ARHGAP26: variants seen among roughly 807,000 people sequenced by gnomAD.
ARHGAP26 encodes the protein Rho GTPase activating protein 26.
Under a neutral mutation model 104.8 loss-of-function variants are expected in ARHGAP26, and 38 were observed. The observed-to-expected ratio is 0.36, with a 90% CI of 0.28 to 0.48. ARHGAP26 has a LOEUF of 0.48. ARHGAP26 is among the 20% of genes least tolerant of loss of function. The pLI, the probability that ARHGAP26 is intolerant of heterozygous loss-of-function variation, is 0.99. For synonymous variants in ARHGAP26, 341 were observed against 340.0 expected, an observed-to-expected ratio of 1.00 and a Z score of -0.03; for missense variants, 704 against 947.9, an observed-to-expected ratio of 0.74 and a Z score of 3.38.
Position 143,119,563 on chromosome 5 carries a change from G to A in ARHGAP26, c.1539-1425G>A, listed in dbSNP as rs113122550. 6.3e-3 allele frequency among the ~76,000 whole-genome samples: 957 copies of A among 152,300 alleles called. 11 individuals are homozygous for A. Among genetic ancestry groups the A allele is most frequent in the Non-Finnish European group, 0.01 (712 of 68,024 alleles). ...ATGTGATGTAATTCTGGGTAGAATG[G>A]AAAACATAAGTAAAACCAGGAGACT... On this transcript the variant is annotated intron_variant, in intron 17 of 22. Coordinates refer to ENST00000645722, the MANE Select transcript of ARHGAP26 (RefSeq NM_001135608.3).
chr5:143,223,576 C>T lies in ARHGAP26; in HGVS notation c.*1130C>T, dbSNP rs1423370568. 2 of 232,190 alleles carry T rather than the reference C, an allele frequency of 8.6e-6. No individual in the cohort carries two copies. Among genetic ancestry groups the T allele is most frequent in the African/African-American group, 4.4e-5 (2 of 45,278 alleles). The allele number at this position is 232,190 out of a possible 1,614,324, so 14.4% of individuals were successfully genotyped here. A position where few individuals can be genotyped will look rare whatever the true frequency, so the allele number is the denominator to read the frequency against. On this transcript the variant is annotated 3_prime_UTR_variant, in exon 23 of 23. Transcript: ENST00000645722. ...TTGCCTGCCTCTAACCCACCACTGG[C>T]CAGCCCCCTTGCCCTACTCTGGGCT... is the stretch of plus-strand genomic sequence containing the variant.
At chr5:142,798,691 A>G (rs1379053237) in intron 1 of ARHGAP26, among the ~76,000 whole-genome samples, 1 of 152,334 alleles carries the variant, frequency 6.6e-6, no homozygotes, top group African/African-American at 2.4e-5. Context: ...CCCAGGACCT[A>G]TCATGCCATC....
chr5:142,880,452 A>G (rs1289266061), intron 4 of ARHGAP26, among the ~76,000 whole-genome samples: 1 of 151,726 alleles, frequency 6.6e-6, no homozygotes, highest in African/African-American at 2.4e-5. Flanking sequence ...CAGGAGGTGG[A>G]GGTTGCAGTG....
intron 14 of ARHGAP26, among the ~76,000 whole-genome samples, chr5:143,043,041 T>TAA (rs1284757743): frequency 6.6e-6 from 1 of 152,242 alleles, no homozygotes; most frequent in African/African-American, 2.4e-5. Context: ...ATAGAGATCC[T>TAA]GTGTACCACT....
chr5:143,199,571 A>G (rs1029897270), intron 20 of ARHGAP26, among the ~76,000 whole-genome samples: 3 of 152,184 alleles, frequency 2.0e-5, no homozygotes, highest in African/African-American at 4.8e-5. Flanking sequence ...TTTTCATCAT[A>G]GGGGCAAAAT....
At chr5:143,050,572 T>G (rs1784866939) in intron 14 of ARHGAP26, among the ~76,000 whole-genome samples, 1 of 152,202 alleles carries the variant, frequency 6.6e-6, no homozygotes, top group Non-Finnish European at 1.5e-5. Context: ...GTGGCATAAA[T>G]AAAAGCAATC....
At chr5:143,032,870 CAA>C (rs932276491) in intron 12 of ARHGAP26, among the ~76,000 whole-genome samples, 120 of 152,238 alleles carry the variant, frequency 7.9e-4, no homozygotes, top group African/African-American at 2.3e-3. Context: ...AAAGAAGAGA[CAA>C]AGAGAGATGG....
chr5:142,933,815 T>C (rs1237204122), intron 11 of ARHGAP26, among the ~76,000 whole-genome samples: 1 of 152,232 alleles, frequency 6.6e-6, no homozygotes, highest in Non-Finnish European at 1.5e-5. Flanking sequence ...GAAAGGATAC[T>C]GTGAATAGTT....
chr5:142,917,784 C>T (rs1299444315), intron 10 of ARHGAP26, among the ~76,000 whole-genome samples: 1 of 152,150 alleles, frequency 6.6e-6, no homozygotes, highest in African/African-American at 2.4e-5. Context: ...CTTCCCACCT[C>T]AGCTCTCGAG....
At chr5:142,875,032 A>G (rs1056889597) in intron 2 of ARHGAP26, 78 bp from the exon 3 acceptor site, 3 of 1,222,590 alleles carry the variant, frequency 2.5e-6, no homozygotes, top group East Asian at 2.4e-5. Context: ...AAAATCCATA[A>G]CATAATAGCC....
At chr5:142,970,335 G>A (rs1263750308) in intron 11 of ARHGAP26, among the ~76,000 whole-genome samples, 1 of 152,174 alleles carries the variant, frequency 6.6e-6, no homozygotes, top group Non-Finnish European at 1.5e-5. Context: ...TGTTTCCAAA[G>A]GCCAGAAACT....
At chr5:143,051,670 A>C (rs1785046607) in intron 14 of ARHGAP26, among the ~76,000 whole-genome samples, 1 of 152,204 alleles carries the variant, frequency 6.6e-6, no homozygotes, top group South Asian at 2.1e-4. Flanking sequence ...TCAAGTTATG[A>C]GCCTTGCCTC....
intron 1 of ARHGAP26, among the ~76,000 whole-genome samples, chr5:142,854,126 A>G (rs1751969493): frequency 6.6e-6 from 1 of 152,238 alleles, no homozygotes; most frequent in South Asian, 2.1e-4. Context: ...CATGTGTTTA[A>G]TGGCACACTT....
intron 1 of ARHGAP26, among the ~76,000 whole-genome samples, chr5:142,862,322 A>G (rs1342382069): frequency 6.6e-6 from 1 of 152,234 alleles, no homozygotes; most frequent in East Asian, 1.9e-4. Context: ...TCACAGTTCT[A>G]ACTCCAGTCA....
chr5:142,997,080 G>A (rs1776507549), intron 11 of ARHGAP26, among the ~76,000 whole-genome samples: 1 of 148,784 alleles, frequency 6.7e-6, no homozygotes, highest in Non-Finnish European at 1.5e-5. Context: ...AAGTGAATGA[G>A]CATAGCTGTT....
At chr5:143,112,847 A>T (rs1246855358) in intron 17 of ARHGAP26, among the ~76,000 whole-genome samples, 2 of 152,224 alleles carry the variant, frequency 1.3e-5, no homozygotes, top group East Asian at 3.8e-4. Context: ...CATTTTGCTT[A>T]TCTGTTCATC....
chr5:143,216,043 A>C (rs1810298360), intron 22 of ARHGAP26: 1 of 385,386 alleles, frequency 2.6e-6, no homozygotes, highest in Non-Finnish European at 5.2e-6. Context: ...TTTCACAAAG[A>C]AGTTGCACCA....
intron 11 of ARHGAP26, among the ~76,000 whole-genome samples, chr5:142,963,190 A>ACATATATATATATATATATG (rs1562164745): frequency 2.8e-4 from 28 of 100,496 alleles, no homozygotes; most frequent in African/African-American, 2.0e-3. Flanking sequence ...ATATATATAT[A>ACATATATATATATATATATG]TATATATATG....
At chr5:142,973,689 G>A (rs1772610509) in intron 11 of ARHGAP26, among the ~76,000 whole-genome samples, 1 of 152,254 alleles carries the variant, frequency 6.6e-6, no homozygotes, top group Non-Finnish European at 1.5e-5. Flanking sequence ...CCATGGGTGT[G>A]GTTTTAGTAG....
Sources: allele counts gnomAD v4.1 joint callset (sites outside exome capture counted in the v4.1 genomes callset), GRCh38; gene constraint gnomAD v4.1.1; transcripts MANE v1.5; gene names NCBI Gene and HGNC (gene_info 2026-07-23, HGNC 2026-07-21).